Variants in FNDC3A observed in about 807,000 individuals in gnomAD.
FNDC3A encodes fibronectin type III domain containing 3A.
In FNDC3A, 32 loss-of-function variants were observed where a neutral mutation model predicts 148.9. The observed-to-expected ratio is 0.21, with a 90% confidence interval of 0.16 to 0.29. The LOEUF (loss-of-function observed/expected upper bound fraction) is 0.29. Among genes scored for constraint, FNDC3A ranks in the 10% least tolerant of loss-of-function variants. The pLI is 1.00. For missense variants in FNDC3A, 1,191 were observed against 1,452.8 expected, an observed-to-expected ratio of 0.82 and a Z score of 2.93; for synonymous variants, 472 against 473.6, an observed-to-expected ratio of 1.00 and a Z score of 0.04.
At chr13:49,130,715 A>G (rs1050399680) in intron 4 of FNDC3A, among the ~76,000 whole-genome samples, 2 of 152,172 alleles carry the variant, frequency 1.3e-5, no homozygotes, top group African/African-American at 4.8e-5. Context: ...TTTCATGTTG[A>G]TTCTCCAAAT....
At chr13:49,069,713 A>G (rs1199635543) in intron 2 of FNDC3A, among the ~76,000 whole-genome samples, 2 of 152,208 alleles carry the variant, frequency 1.3e-5, no homozygotes, top group Non-Finnish European at 2.9e-5. Flanking sequence ...TACTGCCCCT[A>G]TTATAGCACT....
In FNDC3A at chr13:49,006,179, G is replaced by A; in HGVS notation, c.-12G>A. 3 of 1,469,420 alleles carry A rather than the reference G, an allele frequency of 2.0e-6. No homozygotes were observed. The highest frequency in any genetic ancestry group is 2.8e-6 in the Non-Finnish European group (3 of 1,052,962). The allele number at this position is 1,469,420 out of a possible 1,614,324, so 91.0% of individuals were successfully genotyped here. ...TTGGAGCGTTATTCAGTATATTAAT[G>A]TCTTATTGATAATGGCAGAACATCC... On this transcript the variant is annotated 5_prime_UTR_variant, in exon 2 of 26. It removes an upstream start codon present in the reference 5' UTR. Coordinates refer to ENST00000492622, the MANE Select transcript of FNDC3A (RefSeq NM_001079673.2).
chr13:49,114,723 G>A lies in FNDC3A; in HGVS notation c.244G>A (p.Ala82Thr). Residue 82 changes from alanine (A) to threonine (T), a missense_variant, in exon 4 of 26, where the codon GCC becomes ACC. Ala to Thr is a moderately conservative substitution (Grantham distance 58, BLOSUM62 0). Coordinates refer to ENST00000492622, the MANE Select transcript of FNDC3A (RefSeq NM_001079673.2). The stretch of plus-strand genomic sequence containing the variant: ...TCCTATCTATGTGCCTCCTGGATAT[G>A]CCCCACAGGTATGTTTTTATGCTAT... The part of the protein sequence containing the change: ...VPPIYVPPGY[A>T]PQVIEDNGVR... 1 of 1,603,990 alleles carries A rather than the reference G, an allele frequency of 6.2e-7. No individual in the cohort carries two copies. The highest frequency in any genetic ancestry group is 8.5e-7 in the Non-Finnish European group (1 of 1,170,950).
chr13:49,105,365 A>T (rs1031304703), intron 3 of FNDC3A, among the ~76,000 whole-genome samples: 10 of 152,214 alleles, frequency 6.6e-5, no homozygotes, highest in Non-Finnish European at 1.5e-4. Flanking sequence ...AAACATTTGC[A>T]CATGTGAGCT....
chr13:49,176,425 T>A (rs1287963228), intron 13 of FNDC3A, among the ~76,000 whole-genome samples: 1 of 151,886 alleles, frequency 6.6e-6, no homozygotes, highest in Admixed American at 6.6e-5. Flanking sequence ...AAGTGGGAAC[T>A]GAACAATGAG....
At chr13:49,046,720 C>T (rs186940899) in intron 2 of FNDC3A, 1 of 152,514 alleles carries the variant, frequency 6.6e-6, no homozygotes, top group East Asian at 1.9e-4. Flanking sequence ...GTGATTCACA[C>T]CTAATGGTGT....
chr13:48,999,774 A>G (rs143328797), intron 1 of FNDC3A, among the ~76,000 whole-genome samples: 2 of 152,154 alleles, frequency 1.3e-5, no homozygotes, highest in Non-Finnish European at 2.9e-5. Flanking sequence ...ATTAGTGTTC[A>G]TATATAAGAA....
chr13:49,010,333 C>T (rs1037868331), intron 2 of FNDC3A, among the ~76,000 whole-genome samples: 2 of 152,060 alleles, frequency 1.3e-5, no homozygotes, highest in Admixed American at 1.3e-4. Flanking sequence ...GTGGTTGGCA[C>T]TATAGACTTG....
chr13:49,022,164 C>T (rs1038795467), intron 2 of FNDC3A, among the ~76,000 whole-genome samples: 2 of 152,132 alleles, frequency 1.3e-5, no homozygotes, highest in Non-Finnish European at 2.9e-5. Flanking sequence ...TCATGCATAG[C>T]AGGCCTTTGG....
chr13:49,115,004 A>G (rs1880844708), intron 4 of FNDC3A, among the ~76,000 whole-genome samples: 1 of 152,178 alleles, frequency 6.6e-6, no homozygotes, highest in Non-Finnish European at 1.5e-5. Context: ...ATGACTAAAT[A>G]AAAATAATAT....
At chr13:48,991,253 A>C (rs991418410) in intron 1 of FNDC3A, among the ~76,000 whole-genome samples, 3 of 152,244 alleles carry the variant, frequency 2.0e-5, no homozygotes, top group Non-Finnish European at 2.9e-5. Flanking sequence ...TGCTTACACT[A>C]TCCAAAAGAA....
intron 1 of FNDC3A, among the ~76,000 whole-genome samples, chr13:48,978,959 G>A (rs1211603612): frequency 6.6e-6 from 1 of 152,054 alleles, no homozygotes; most frequent in African/African-American, 2.4e-5. Context: ...TAATTATTCA[G>A]TGGTCTCTTT....
intron 2 of FNDC3A, among the ~76,000 whole-genome samples, chr13:49,063,671 A>G (rs574640145): frequency 2.0e-5 from 3 of 152,314 alleles, no homozygotes; most frequent in African/African-American, 7.2e-5. Context: ...TTAGTCAGGA[A>G]CAAAATATCT....
intron 8 of FNDC3A, among the ~76,000 whole-genome samples, chr13:49,148,290 C>A (rs1883104689): frequency 6.6e-6 from 1 of 152,076 alleles, no homozygotes; most frequent in Admixed American, 6.6e-5. Flanking sequence ...TTTGCTTAAA[C>A]CAGTGTCCTG....
intron 2 of FNDC3A, among the ~76,000 whole-genome samples, chr13:49,036,025 T>G (rs1874467875): frequency 6.6e-6 from 1 of 152,150 alleles, no homozygotes; most frequent in Non-Finnish European, 1.5e-5. Flanking sequence ...TAAAGCTTAA[T>G]GCAAAGTTCA....
intron 3 of FNDC3A, among the ~76,000 whole-genome samples, chr13:49,092,247 C>T (rs778101437): frequency 5.3e-5 from 8 of 152,108 alleles, no homozygotes; most frequent in Non-Finnish European, 1.0e-4. Context: ...GGCAGCCTTT[C>T]AGGTCACTCG....
chr13:49,189,666 T>C (rs1357492359), intron 17 of FNDC3A, among the ~76,000 whole-genome samples: 1 of 152,178 alleles, frequency 6.6e-6, no homozygotes, highest in Non-Finnish European at 1.5e-5. Flanking sequence ...CCCAACTGGC[T>C]TGTGCTCCAG....
At chr13:49,143,708 C>G (rs1218336888) in intron 7 of FNDC3A, among the ~76,000 whole-genome samples, 1 of 152,142 alleles carries the variant, frequency 6.6e-6, no homozygotes, top group Non-Finnish European at 1.5e-5. Flanking sequence ...CTCAGCCACT[C>G]ATTTTGTTGA....
intron 2 of FNDC3A, among the ~76,000 whole-genome samples, chr13:49,011,871 T>G (rs575351460): frequency 5.3e-5 from 8 of 152,204 alleles, no homozygotes; most frequent in African/African-American, 1.9e-4. Context: ...AAAAATATAT[T>G]CTAAAAACTA....
Sources: allele counts gnomAD v4.1 joint callset (sites outside exome capture counted in the v4.1 genomes callset), GRCh38; gene constraint gnomAD v4.1.1; transcripts MANE v1.5; gene names NCBI Gene and HGNC (gene_info 2026-07-23, HGNC 2026-07-21).